The following HORMAD2 variants were observed in gnomAD, a reference collection of about 807,000 sequenced individuals.
HORMAD2 encodes the protein HORMA domain containing 2, also known as HORMA domain-containing protein 2.
HORMAD2 carries 45 observed loss-of-function variants against 38.8 expected under a neutral mutation model. The ratio of observed to expected loss-of-function variants is 1.16; its 90% confidence interval spans 0.91 to 1.49. The LOEUF (loss-of-function observed/expected upper bound fraction) is 1.49. Ranked by LOEUF, HORMAD2 falls within the 40% of genes most tolerant of loss-of-function variation. The pLI, the probability that HORMAD2 is intolerant of heterozygous loss-of-function variation, is 0.00. For synonymous variants in HORMAD2, 126 were observed against 122.8 expected (o/e 1.03, Z -0.17); for missense variants, 338 against 367.0 (o/e 0.92, Z 0.65).
chr22:30,111,322 C>T (rs368306238), intron 5 of HORMAD2, among the ~76,000 whole-genome samples: 37 of 152,030 alleles, frequency 2.4e-4, no homozygotes, highest in African/African-American at 8.7e-4. Context: ...CCCATCTCTA[C>T]TGAAAATACA....
chr22:30,108,282 C>T (rs1000752551), intron 5 of HORMAD2, among the ~76,000 whole-genome samples: 1 of 152,116 alleles, frequency 6.6e-6, no homozygotes, highest in Non-Finnish European at 1.5e-5. Context: ...CTGATCATGT[C>T]ATTCTTTTGC....
chr22:30,181,023 T>A (rs539980517), downstream of HORMAD2, among the ~76,000 whole-genome samples: 3 of 126,404 alleles, frequency 2.4e-5, no homozygotes, highest in East Asian at 8.5e-4. Flanking sequence ...TACCCTACCC[T>A]CCCTCCCTCT....
chr22:30,171,925 A>G (rs765059840), intron 10 of HORMAD2, among the ~76,000 whole-genome samples: 2 of 152,140 alleles, frequency 1.3e-5, no homozygotes, highest in African/African-American at 4.8e-5. Flanking sequence ...AATCAAGAGG[A>G]AGCAAGGTAT....
At chr22:30,207,035 C>T in the HORMAD2 span, 10 of 469,616 alleles carry the variant, frequency 2.1e-5, no homozygotes, top group South Asian at 4.7e-5. Context: ...CCCCTCGTGT[C>T]GGCCTTGCTC....
intron 10 of HORMAD2, chr22:30,137,285 C>G (rs1305684499): frequency 1.3e-5 from 7 of 535,876 alleles, no homozygotes; most frequent in Non-Finnish European, 1.1e-5. Context: ...TTGAGGCCAT[C>G]AGATGCAATT....
the HORMAD2 span, among the ~76,000 whole-genome samples, chr22:30,182,377 G>A: frequency 5.3e-5 from 8 of 152,178 alleles, no homozygotes; most frequent in Admixed American, 4.6e-4. Context: ...AGCTTTTTAC[G>A]TCTTTTCAGT....
At chr22:30,201,711 C>T in the HORMAD2 span, among the ~76,000 whole-genome samples, 3 of 152,080 alleles carry the variant, frequency 2.0e-5, no homozygotes, top group Admixed American at 6.5e-5. Flanking sequence ...CCACCGTGCC[C>T]GGCAAGTTAA....
At chr22:30,083,766 C>T (rs201259319) in intron 1 of HORMAD2, among the ~76,000 whole-genome samples, 2 of 152,234 alleles carry the variant, frequency 1.3e-5, no homozygotes, top group East Asian at 3.9e-4. Context: ...CAGGCACCCA[C>T]CACCATGCCC....
the HORMAD2 span, among the ~76,000 whole-genome samples, chr22:30,182,351 C>T: frequency 6.6e-6 from 1 of 152,178 alleles, no homozygotes; most frequent in Non-Finnish European, 1.5e-5. Context: ...TCATCTGATA[C>T]CCTTGCCACT....
intron 10 of HORMAD2, among the ~76,000 whole-genome samples, chr22:30,162,701 CTTTT>C (rs750684089): frequency 8.1e-6 from 1 of 124,180 alleles, no homozygotes; most frequent in Non-Finnish European, 1.7e-5. Flanking sequence ...TTGTGGACAT[CTTTT>C]TTTTTTTTTT....
chr22:30,157,246 T>C (rs558335571), intron 10 of HORMAD2, among the ~76,000 whole-genome samples: 4 of 152,308 alleles, frequency 2.6e-5, no homozygotes, highest in African/African-American at 9.6e-5. Flanking sequence ...CTGTGGGTGT[T>C]TGAGCACATT....
the HORMAD2 span, among the ~76,000 whole-genome samples, chr22:30,200,813 G>A: frequency 6.6e-6 from 1 of 151,378 alleles, no homozygotes; most frequent in South Asian, 2.1e-4. Context: ...GCAGTGGCTC[G>A]ATCTTGGCTC....
the HORMAD2 span, among the ~76,000 whole-genome samples, chr22:30,198,175 G>A: frequency 1.3e-5 from 2 of 152,018 alleles, no homozygotes; most frequent in South Asian, 2.1e-4. Flanking sequence ...CACTTGCTCT[G>A]TCTCAAAAAA....
intron 10 of HORMAD2, among the ~76,000 whole-genome samples, chr22:30,152,628 A>G (rs1023373568): frequency 6.6e-6 from 1 of 152,100 alleles, no homozygotes; most frequent in African/African-American, 2.4e-5. Flanking sequence ...ATCACACCCA[A>G]CCTTGATCTT....
chr22:30,137,131 A>G (rs909721758), intron 10 of HORMAD2: 8 of 432,982 alleles, frequency 1.8e-5, no homozygotes, highest in East Asian at 1.8e-4. Context: ...TTAGCCATGG[A>G]ACACATTTTG....
intron 7 of HORMAD2, among the ~76,000 whole-genome samples, chr22:30,113,558 A>G (rs144018375): frequency 2.6e-5 from 4 of 152,258 alleles, no homozygotes; most frequent in Admixed American, 2.0e-4. Context: ...ATTCTTGAGG[A>G]CAAGAGTCTT....
rs1379466491 is a variant in HORMAD2 at position 30,129,803 on chromosome 22, C to T, written c.819+7589C>T. On this transcript the variant is annotated intron_variant, in intron 10 of 10. Coordinates refer to ENST00000336726, the MANE Select transcript of HORMAD2 (RefSeq NM_152510.4). ...GAGATTATAGGCATGTGTCACCATG[C>T]CTAGCTTGATTTGGTGATTTTGTGG... 3.3e-5 allele frequency among the ~76,000 whole-genome samples: 5 copies of T among 152,074 alleles called. No homozygotes were observed. The East Asian group carries it at 9.7e-4, about 29-fold the overall frequency.
chr22:30,122,910 G>C (rs1601542938), intron 10 of HORMAD2, among the ~76,000 whole-genome samples: 1 of 152,108 alleles, frequency 6.6e-6, no homozygotes, highest in Admixed American at 6.5e-5. Context: ...GTGTTAAAAG[G>C]GTTCTGAGTT....
chr22:30,127,443 G>A (rs574688675), intron 10 of HORMAD2, among the ~76,000 whole-genome samples: 1 of 152,082 alleles, frequency 6.6e-6, no homozygotes, highest in East Asian at 1.9e-4. Context: ...TCCTGACTTC[G>A]TGATCCGCCC....
Sources: gnomAD v4.1 joint callset for allele counts (sites outside exome capture counted in the v4.1 genomes callset) on GRCh38, gnomAD v4.1.1 for gene constraint, MANE v1.5 for transcripts, NCBI Gene and HGNC (gene_info 2026-07-23, HGNC 2026-07-21) for gene names.